Variants in NELL1 observed in about 807,000 individuals in gnomAD.
NELL1 encodes protein kinase C-binding protein NELL1.
In NELL1, 76 loss-of-function variants were observed where a neutral mutation model predicts 107.4. The ratio of observed to expected loss-of-function variants is 0.71; its 90% CI spans 0.59 to 0.86. The LOEUF (loss-of-function observed/expected upper bound fraction) is 0.86. Among genes scored for constraint, NELL1 ranks in the 40% least tolerant of loss-of-function variants. The probability of loss-of-function intolerance (pLI) is 0.00; values close to 1 mark genes in which losing one functional copy is unlikely to be tolerated. For synonymous variants in NELL1, 353 were observed against 341.2 expected (o/e 1.03, Z -0.38); for missense variants, 1,024 against 1,005.5 (o/e 1.02, Z -0.25).
At chr11:20,884,961 G>C (rs1849477955) in intron 4 of NELL1, among the ~76,000 whole-genome samples, 1 of 152,170 alleles carries the variant, frequency 6.6e-6, no homozygotes, top group South Asian at 2.1e-4. Flanking sequence ...GGTTCTCTCA[G>C]GTTACTGCAG....
chr11:21,163,941 G>A (rs1190560928), intron 13 of NELL1, among the ~76,000 whole-genome samples: 3 of 152,024 alleles, frequency 2.0e-5, no homozygotes, highest in African/African-American at 7.2e-5. Context: ...CATTCATAAG[G>A]GTGAGGCCCT....
chr11:20,928,622 G>C (rs956402003), intron 9 of NELL1, 143 bp downstream of exon 9: 2 of 689,424 alleles, frequency 2.9e-6, no homozygotes, highest in African/African-American at 3.6e-5. Context: ...ATGGTAAGAA[G>C]AGCCACAATA....
intron 2 of NELL1, among the ~76,000 whole-genome samples, chr11:20,692,694 C>G (rs1854501091): frequency 6.6e-6 from 1 of 151,926 alleles, no homozygotes. Context: ...CTGAGGAGTG[C>G]TTTACTTCCA....
At chr11:20,863,290 C>T (rs1849017806) in intron 4 of NELL1, among the ~76,000 whole-genome samples, 1 of 144,444 alleles carries the variant, frequency 6.9e-6, no homozygotes, top group Admixed American at 6.9e-5. Flanking sequence ...CCACCTCCCT[C>T]CCGGACGGGG....
At chr11:21,200,619 C>T (rs1420001341) in intron 13 of NELL1, among the ~76,000 whole-genome samples, 1 of 152,178 alleles carries the variant, frequency 6.6e-6, no homozygotes, top group Non-Finnish European at 1.5e-5. Context: ...TTTTGCTGTG[C>T]AGAAGCAATT....
At chr11:21,215,605 C>T (rs557270123) in intron 13 of NELL1, among the ~76,000 whole-genome samples, 4 of 152,190 alleles carry the variant, frequency 2.6e-5, no homozygotes, top group Admixed American at 2.6e-4. Flanking sequence ...AAAATGAAGT[C>T]CAGGTTGAGG....
intron 15 of NELL1, among the ~76,000 whole-genome samples, chr11:21,416,528 A>G (rs1852524459): frequency 6.6e-6 from 1 of 152,178 alleles, no homozygotes; most frequent in Admixed American, 6.6e-5. Flanking sequence ...CAAATTCTAT[A>G]AAACAAGACT....
In NELL1 at chr11:21,337,860, T is replaced by G. The variant is rs188525561; in HGVS notation, c.1550-32993T>G. Among the ~76,000 whole-genome samples the G allele has an allele frequency of 8.7e-5, 13 of 150,208 alleles. No individual in the cohort carries two copies. The East Asian group carries it at 1.6e-3, about 18-fold the overall frequency. On this transcript the variant is annotated intron_variant, in intron 14 of 19. Coordinates refer to ENST00000357134, the MANE Select transcript of NELL1 (RefSeq NM_006157.5). ...TCTTTTCTTTCTTTCTTTCTTTCTTTCTTTCTTTCTTTCTTTCTTTCTTTC... is the reference window on the plus strand; with the variant it reads ...TCTTTTCTTTCTTTCTTTCTTTCTTGCTTTCTTTCTTTCTTTCTTTCTTTC...
chr11:21,560,181 T>C lies in NELL1; in HGVS notation c.1787-8T>C, dbSNP rs747847408. On this transcript the variant is annotated splice_region_variant and splice_polypyrimidine_tract_variant and intron_variant, in intron 16 of 19. Coordinates refer to ENST00000357134, the MANE Select transcript of NELL1 (RefSeq NM_006157.5). ...AGATTCTAAGCTTCTGTGCTTCCTA[T>C]ATTGCAGACATTGATGAATGTGCCT... is the stretch of plus-strand genomic sequence containing the variant. 9.3e-6 allele frequency: 15 copies of C among 1,613,176 alleles called. No individual in the cohort carries two copies. The highest frequency in any genetic ancestry group is 1.2e-5 in the Non-Finnish European group (14 of 1,179,412).
At chr11:21,521,820 T>C (rs768677625) in intron 15 of NELL1, among the ~76,000 whole-genome samples, 5 of 152,180 alleles carry the variant, frequency 3.3e-5, no homozygotes, top group Admixed American at 6.5e-5. Flanking sequence ...TAAAATGATA[T>C]CTTGTGGTTT....
intron 3 of NELL1, among the ~76,000 whole-genome samples, chr11:20,824,417 A>G: frequency 6.6e-6 from 1 of 151,286 alleles, no homozygotes; most frequent in East Asian, 1.9e-4. Context: ...TGTGGAAGCA[A>G]CTTTGAAACT....
intron 2 of NELL1, among the ~76,000 whole-genome samples, chr11:20,682,813 C>T (rs1031597503): frequency 6.6e-6 from 1 of 151,954 alleles, no homozygotes; most frequent in Admixed American, 6.6e-5. Context: ...TTTGCATTTT[C>T]TAGAATTTTA....
chr11:21,505,080 C>T (rs78085969), intron 15 of NELL1, among the ~76,000 whole-genome samples: 20,977 of 152,082 alleles, frequency 0.14, 1,617 homozygotes, highest in Non-Finnish European at 0.17. Context: ...TTCTTCATTG[C>T]TGTGGGTATC....
chr11:20,812,804 C>T (rs1470356645), intron 3 of NELL1, among the ~76,000 whole-genome samples: 9 of 151,110 alleles, frequency 6.0e-5, no homozygotes, highest in African/African-American at 1.2e-4. Flanking sequence ...GTCAGGAGAT[C>T]GAGACCATCC....
chr11:21,281,694 G>A (rs1426558474), intron 14 of NELL1, among the ~76,000 whole-genome samples: 1 of 152,118 alleles, frequency 6.6e-6, no homozygotes. Context: ...CAGATCCAGA[G>A]AGAGAGAGAG....
At chr11:21,113,812 T>A in intron 13 of NELL1, 98 bp downstream of exon 13, 1 of 1,253,770 alleles carries the variant, frequency 8.0e-7, no homozygotes, top group Non-Finnish European at 1.1e-6. Flanking sequence ...AGTACTATTT[T>A]TATCTAAATA....
At chr11:21,319,971 A>G (rs773970101) in intron 14 of NELL1, among the ~76,000 whole-genome samples, 2 of 151,102 alleles carry the variant, frequency 1.3e-5, no homozygotes, top group Non-Finnish European at 2.9e-5. Context: ...AGAGTATAGG[A>G]GAGTATGAAG....
At position 20,967,869 on chromosome 11, in the gene NELL1, A is replaced by G. The variant is rs114833748; in HGVS notation, c.1300+7309A>G. Among the ~76,000 whole-genome samples, 864 of 152,278 alleles carry G rather than the reference A, an allele frequency of 5.7e-3. 12 individuals carry two copies. The highest frequency in any genetic ancestry group is 0.02 in the African/African-American group (820 of 41,558). On this transcript the variant is annotated intron_variant, in intron 12 of 19. Coordinates refer to ENST00000357134, the MANE Select transcript of NELL1 (RefSeq NM_006157.5). ...CAAATTTGGTCCTGTGTCAGGCCCT[A>G]TGTGAACTGGAACCTGCCTACTTCT... is the stretch of plus-strand genomic sequence containing the variant.
intron 3 of NELL1, among the ~76,000 whole-genome samples, chr11:20,838,038 A>T (rs1166947718): frequency 6.6e-6 from 1 of 151,986 alleles, no homozygotes; most frequent in Non-Finnish European, 1.5e-5. Flanking sequence ...GAGAAAACTG[A>T]CCAACACTTA....
Sources: gnomAD v4.1 joint callset for allele counts (sites outside exome capture counted in the v4.1 genomes callset) on GRCh38, gnomAD v4.1.1 for gene constraint, MANE v1.5 for transcripts, NCBI Gene and HGNC (gene_info 2026-07-23, HGNC 2026-07-21) for gene names.